The following C8orf34 variants were observed in gnomAD, a reference collection of about 807,000 sequenced individuals.
C8orf34 encodes chromosome 8 open reading frame 34.
In C8orf34, 65 loss-of-function variants were observed where a neutral mutation model predicts 68.3. The ratio of observed to expected loss-of-function variants is 0.95; its 90% CI spans 0.78 to 1.17. C8orf34 has a LOEUF of 1.17. Among genes scored for constraint, C8orf34 ranks in the 50% most tolerant of loss-of-function variants. The pLI, the probability that C8orf34 is intolerant of heterozygous loss-of-function variation, is 0.00. For synonymous variants in C8orf34, 244 were observed against 241.2 expected (o/e 1.01, Z -0.11); for missense variants, 664 against 655.4 (o/e 1.01, Z -0.14).
At chr8:68,401,043 C>T (rs976847818) in intron 1 of C8orf34, among the ~76,000 whole-genome samples, 16 of 150,000 alleles carry the variant, frequency 1.1e-4, no homozygotes, top group East Asian at 9.8e-4. Context: ...ATGTTATCTT[C>T]GGTTTCTTTC....
rs138825091 is a variant in C8orf34 at position 68,530,876 on chromosome 8, C to T, written c.939-2107C>T. ...ATAAAATTAAAATAAATATTGCCAA[C>T]ATGTGTATGTTTTCATATATTTGTT... On this transcript the variant is annotated intron_variant, in intron 6 of 13. Coordinates refer to ENST00000518698, the MANE Select transcript of C8orf34 (RefSeq NM_052958.4). Among the ~76,000 whole-genome samples the T allele has an allele frequency of 3.5e-3, 528 of 152,188 alleles. 4 individuals carry two copies. The highest frequency in any genetic ancestry group is 6.8e-3 in the Middle Eastern group (2 of 294).
At chr8:68,529,674 G>C (rs1815162921) in intron 6 of C8orf34, among the ~76,000 whole-genome samples, 1 of 152,120 alleles carries the variant, frequency 6.6e-6, no homozygotes, top group South Asian at 2.1e-4. Context: ...TAGAAAAACA[G>C]TTATGGACCT....
chr8:68,382,499 C>A (rs1355709646), intron 1 of C8orf34, among the ~76,000 whole-genome samples: 2 of 152,204 alleles, frequency 1.3e-5, no homozygotes, highest in Non-Finnish European at 2.9e-5. Flanking sequence ...ACACAGCAGA[C>A]CTAGAGTACT....
intron 1 of C8orf34, among the ~76,000 whole-genome samples, chr8:68,428,643 A>C (rs997644505): frequency 3.9e-5 from 6 of 152,144 alleles, no homozygotes; most frequent in African/African-American, 1.4e-4. Context: ...TGGCAGAATA[A>C]ATAAGAAAAT....
In C8orf34 at chr8:68,466,401, G is replaced by A. The variant is rs907629369; in HGVS notation, c.608-2291G>A. ...AGTGTTGATTAAATATGTTCTCTAT[G>A]TTGATATTATTATGATTAATTAATT... On this transcript the variant is annotated intron_variant, in intron 3 of 13. Coordinates refer to ENST00000518698, the MANE Select transcript of C8orf34 (RefSeq NM_052958.4). 6.6e-5 allele frequency among the ~76,000 whole-genome samples: 10 copies of A among 151,872 alleles called. No homozygotes were observed. In the East Asian group the frequency reaches 1.9e-3, roughly 29 times the overall value.
Position 68,460,436 on chromosome 8 carries a change from C to A in C8orf34, c.608-8256C>A, listed in dbSNP as rs1229523107. Among the ~76,000 whole-genome samples, 2 of 152,198 alleles carry A rather than the reference C, an allele frequency of 1.3e-5. 1 individual carries two copies. Among genetic ancestry groups the A allele is most frequent in the Non-Finnish European group, 2.9e-5 (2 of 68,038 alleles). ...CCCTGTCTGACAGCTTTGAAGAGAG[C>A]AGTGGTTCTCCCAGCACGCAGCTGG... is the stretch of plus-strand genomic sequence containing the variant. On this transcript the variant is annotated intron_variant, in intron 3 of 13. Transcript: ENST00000518698.
At chr8:68,787,602 T>G in intron 12 of C8orf34, 66 bp downstream of exon 12, 1 of 1,164,022 alleles carries the variant, frequency 8.6e-7, no homozygotes, top group Non-Finnish European at 1.2e-6. Flanking sequence ...ATAAAGCTAT[T>G]TCACTTTCAT....
At chr8:68,723,291 C>A (rs1821726532) in intron 10 of C8orf34, among the ~76,000 whole-genome samples, 1 of 152,036 alleles carries the variant, frequency 6.6e-6, no homozygotes, top group Admixed American at 6.6e-5. Context: ...GAGCATGTCC[C>A]AAATGAGACT....
intron 3 of C8orf34, among the ~76,000 whole-genome samples, chr8:68,449,461 C>A (rs1353703063): frequency 6.6e-6 from 1 of 152,016 alleles, no homozygotes; most frequent in Non-Finnish European, 1.5e-5. Flanking sequence ...CAGCCCCTGG[C>A]AACCTGCTTT....
chr8:68,669,431 C>T (rs1157424840), intron 8 of C8orf34, among the ~76,000 whole-genome samples: 1 of 152,160 alleles, frequency 6.6e-6, no homozygotes, highest in Non-Finnish European at 1.5e-5. Flanking sequence ...TTAGTAACAA[C>T]ATATTCATAT....
chr8:68,801,223 A>G (rs1401161535), intron 12 of C8orf34, among the ~76,000 whole-genome samples: 1 of 152,210 alleles, frequency 6.6e-6, no homozygotes, highest in Non-Finnish European at 1.5e-5. Flanking sequence ...GTGTGTCTGC[A>G]GATGTGCTTT....
intron 1 of C8orf34, among the ~76,000 whole-genome samples, chr8:68,430,112 G>A (rs1810391767): frequency 6.6e-6 from 1 of 152,034 alleles, no homozygotes; most frequent in Non-Finnish European, 1.5e-5. Flanking sequence ...GCTGGAGATT[G>A]AGCCAATCAC....
intron 9 of C8orf34, among the ~76,000 whole-genome samples, chr8:68,716,590 A>G (rs1028024792): frequency 3.9e-5 from 6 of 152,078 alleles, no homozygotes; most frequent in African/African-American, 1.4e-4. Context: ...GAGAGATACA[A>G]TCTTTTTTCT....
chr8:68,656,475 T>C (rs903132234), intron 8 of C8orf34, among the ~76,000 whole-genome samples: 3 of 152,218 alleles, frequency 2.0e-5, no homozygotes, highest in African/African-American at 7.2e-5. Flanking sequence ...GTGCTTCTGA[T>C]AAAAATTCAG....
rs188817081 is a variant in C8orf34 at position 68,392,265 on chromosome 8, G to C, written c.328-47234G>C. On this transcript the variant is annotated intron_variant, in intron 1 of 13. Transcript: ENST00000518698. ...AAGAACCTAATTTTATTTTATTTCT[G>C]TCTATAGAGAAAATCATCCAAATGC... is the stretch of plus-strand genomic sequence containing the variant. Among the ~76,000 whole-genome samples, 662 of 151,206 alleles carry C rather than the reference G, an allele frequency of 4.4e-3. 3 individuals carry two copies. The highest frequency in any genetic ancestry group is 0.015 in the African/African-American group (628 of 41,210).
rs140632747 is a variant in C8orf34, at chr8:68,521,816, T to C, written c.783T>C (p.Asn261=). The C allele has an allele frequency of 1.9e-6, 3 of 1,613,232 alleles. No individual in the cohort carries two copies. The highest frequency in any genetic ancestry group is 2.5e-6 in the Non-Finnish European group (3 of 1,179,678). The part of the protein sequence containing the change: ...DELDKETVTF[N]SSLLRPRVIG... ...CTCTTCAGGAAACAGTGACATTTAA[T>C]TCTTCTCTTCTGAGGCCCCGTGTGA... The change falls in exon 6 of 14, where the codon AAT becomes AAC. Residue 261 remains asparagine, a synonymous_variant. Transcript: ENST00000518698.
In C8orf34 at chr8:68,686,104, T is replaced by C. The variant is rs1223849946; in HGVS notation, c.1242-22890T>C. ...AATCAGGAAGAAATAGACAGACAAA[T>C]AACAAGCAGTAAGATTGAATCAGTA... On this transcript the variant is annotated intron_variant, in intron 8 of 13. Coordinates refer to ENST00000518698, the MANE Select transcript of C8orf34 (RefSeq NM_052958.4). Among the ~76,000 whole-genome samples, 5 of 151,278 alleles carry C rather than the reference T, an allele frequency of 3.3e-5. No homozygotes were observed. The South Asian group carries it at 8.4e-4, about 25-fold the overall frequency.
At chr8:68,640,592 C>A (rs1238913692) in intron 8 of C8orf34, 81 bp downstream of exon 8, 1 of 1,350,624 alleles carries the variant, frequency 7.4e-7, no homozygotes, top group East Asian at 2.4e-5. Flanking sequence ...AGATTGTACT[C>A]TTCTGTGTTA....
chr8:68,635,646 C>A (rs1192116164), intron 7 of C8orf34, among the ~76,000 whole-genome samples: 1 of 152,140 alleles, frequency 6.6e-6, no homozygotes, highest in Non-Finnish European at 1.5e-5. Flanking sequence ...AATGCTTCTG[C>A]AAAACTCTAA....
Sources: gnomAD v4.1 joint callset for allele counts (sites outside exome capture counted in the v4.1 genomes callset) on GRCh38, gnomAD v4.1.1 for gene constraint, MANE v1.5 for transcripts, NCBI Gene and HGNC (gene_info 2026-07-23, HGNC 2026-07-21) for gene names.